The following COX11 variants were observed in gnomAD, a reference collection of about 807,000 sequenced individuals.
COX11 encodes the protein cytochrome c oxidase assembly protein COX11, mitochondrial.
A neutral mutation model predicts 29.4 loss-of-function variants in COX11; 18 were observed. The ratio of observed to expected loss-of-function variants is 0.61; its 90% CI spans 0.42 to 0.91. The LOEUF is 0.91. Ranked by LOEUF, COX11 falls within the 40% of genes least tolerant of loss-of-function variation. The pLI, the probability that COX11 is intolerant of heterozygous loss-of-function variation, is 0.00. For missense variants in COX11, 312 were observed against 346.0 expected (o/e 0.90, Z 0.78); for synonymous variants, 131 against 124.0 (o/e 1.06, Z -0.38).
rs781425580 is a variant in COX11, at chr17:54,960,650, C to G, written c.*2083G>C. 6.5e-7 allele frequency: 1 copy of G among 1,542,830 alleles called. No individual in the cohort carries two copies. The highest frequency in any genetic ancestry group is 2.2e-5 in the East Asian group (1 of 44,456). Reference sequence around the variant, plus strand: ...GAGGTAAAGACTTCAACTTATACAACTTAATTCCATATTCCATATAATTTC... The same window carrying G: ...GAGGTAAAGACTTCAACTTATACAAGTTAATTCCATATTCCATATAATTTC... On this transcript the variant is annotated 3_prime_UTR_variant, in exon 4 of 4. Transcript: ENST00000299335.
At chr17:54,966,442 G>T (rs2077217169) in intron 1 of COX11, among the ~76,000 whole-genome samples, 1 of 152,282 alleles carries the variant, frequency 6.6e-6, no homozygotes, top group African/African-American at 2.4e-5. Flanking sequence ...TTGGGGCAGG[G>T]TTTCTCAATC....
In COX11 at chr17:54,961,486, A is replaced by G. The variant is rs1328587908; in HGVS notation, c.*1247T>C. Reference sequence around the variant, plus strand: ...TTAAAACTTCAGCAGAAGAAAAATTACTTAGTCCTTAGGCCAACCAATTTA... The same window carrying G: ...TTAAAACTTCAGCAGAAGAAAAATTGCTTAGTCCTTAGGCCAACCAATTTA... On this transcript the variant is annotated 3_prime_UTR_variant, in exon 4 of 4. Transcript: ENST00000299335. 2 of 1,439,902 alleles carry G rather than the reference A, an allele frequency of 1.4e-6. No individual in the cohort carries two copies. Among genetic ancestry groups the G allele is most frequent in the Non-Finnish European group, 1.8e-6 (2 of 1,101,314 alleles). The allele number at this position is 1,439,902 out of a possible 1,614,324, so 89.2% of individuals were successfully genotyped here. A position where few individuals can be genotyped will look rare whatever the true frequency, so the allele number is the denominator to read the frequency against.
chr17:54,951,992 A>AC (rs1209611887), exon 1 of COX11: 1 of 152,186 alleles, frequency 6.6e-6, no homozygotes, highest in Non-Finnish European at 1.5e-5. Flanking sequence ...CTTCATGTTG[A>AC]CCAGGGACAC....
rs1412057702 is a variant in COX11, at chr17:54,964,696, C to T, written c.522+1G>A. On this transcript the variant is annotated splice_donor_variant, in intron 2 of 3. Coordinates refer to ENST00000299335, the MANE Select transcript of COX11 (RefSeq NM_004375.5). LOFTEE classifies it high-confidence loss of function. ...CTTTTAATGACTGGTTAGTCACTTA[C>T]ATATATTTCTGTTTGCTGAGGTCTA... 3 of 1,613,244 alleles carry T rather than the reference C, an allele frequency of 1.9e-6. No individual in the cohort carries two copies. Among genetic ancestry groups the T allele is most frequent in the Non-Finnish European group, 2.5e-6 (3 of 1,179,384 alleles).
intron 1 of COX11, 90 bp downstream of exon 1, chr17:54,968,191 C>A (rs530710279): frequency 4.6e-6 from 7 of 1,529,680 alleles, no homozygotes; most frequent in Non-Finnish European, 6.1e-6. Flanking sequence ...CTTCCACCTA[C>A]GACCCGCAGA....
At chr17:54,968,684 G>A (rs532122781), upstream of COX11, 5 of 1,584,444 alleles carry the variant, frequency 3.2e-6, no homozygotes, top group Admixed American at 1.8e-5. Flanking sequence ...TCTCAGGGAC[G>A]AGAGGTCAAA....
intron 1 of COX11, among the ~76,000 whole-genome samples, chr17:54,967,977 C>A (rs970676319): frequency 2.8e-5 from 4 of 142,346 alleles, no homozygotes; most frequent in Non-Finnish European, 6.0e-5. Flanking sequence ...TGCTAGATAC[C>A]CGGTTAGAGG....
chr17:54,963,207 C>T (rs575422925), intron 3 of COX11, 99 bp downstream of exon 3: 6 of 1,329,108 alleles, frequency 4.5e-6, no homozygotes, highest in South Asian at 2.8e-5. Context: ...AGAAGAAATT[C>T]GTTTTCAGAA....
chr17:54,966,962 G>C (rs1044818148), intron 1 of COX11, among the ~76,000 whole-genome samples: 1 of 152,092 alleles, frequency 6.6e-6, no homozygotes, highest in African/African-American at 2.4e-5. Flanking sequence ...GGTCACTTGA[G>C]CCCAGGAGTT....
chr17:54,961,280 C>A lies in COX11; in HGVS notation c.*1453G>T, dbSNP rs1440319786. ...CACTACCACATCAAAGGTGCCAACT[C>A]TCTAAAACGTAGACTCTGTGCAGCT... On this transcript the variant is annotated 3_prime_UTR_variant, in exon 4 of 4. Transcript: ENST00000299335. 9.0e-6 allele frequency: 14 copies of A among 1,551,406 alleles called. No individual in the cohort carries two copies. The highest frequency in any genetic ancestry group is 1.2e-5 in the Non-Finnish European group (14 of 1,146,894).
chr17:54,961,657 C>T lies in COX11; in HGVS notation c.*1076G>A. The stretch of plus-strand genomic sequence containing the variant: ...CTGAATGTATTATTCAGGAAGAATA[C>T]TGAGTGCCTTCATTTAACTAAAGTT... On this transcript the variant is annotated 3_prime_UTR_variant, in exon 4 of 4. Transcript: ENST00000299335. 1 of 1,073,948 alleles carries T rather than the reference C, an allele frequency of 9.3e-7. No individual in the cohort carries two copies. The highest frequency in any genetic ancestry group is 1.1e-6 in the Non-Finnish European group (1 of 886,208). 66.5% of individuals were successfully genotyped at this position (1,073,948 alleles called of 1,614,324 possible).
At chr17:54,960,414 A>AT, downstream of COX11, 1 of 605,368 alleles carries the variant, frequency 1.7e-6, no homozygotes, top group South Asian at 2.2e-5. Flanking sequence ...ATAAACTAGA[A>AT]TACACACTTC....
At chr17:54,955,328 A>G (rs2049443788), upstream of COX11, among the ~76,000 whole-genome samples, 1 of 152,148 alleles carries the variant, frequency 6.6e-6, no homozygotes, top group Non-Finnish European at 1.5e-5. Flanking sequence ...AGGTAGGTAA[A>G]TCAATCAAGT....
In COX11 at chr17:54,961,421, C is replaced by T. The variant is rs2077122046; in HGVS notation, c.*1312G>A. On this transcript the variant is annotated 3_prime_UTR_variant, in exon 4 of 4. Coordinates refer to ENST00000299335, the MANE Select transcript of COX11 (RefSeq NM_004375.5). ...GGATAACACTGATTCCTGACAACAG[C>T]GTGAGATTTCAACAGAACTTGTTTG... is the stretch of plus-strand genomic sequence containing the variant. 22 of 1,521,010 alleles carry T rather than the reference C, an allele frequency of 1.4e-5. 1 individual carries two copies. Among genetic ancestry groups the T allele is most frequent in the Admixed American group, 4.4e-5 (2 of 45,246 alleles). The allele number at this position is 1,521,010 out of a possible 1,614,324, so 94.2% of individuals were successfully genotyped here.
chr17:54,960,993 G>C lies in COX11; in HGVS notation c.*1740C>G. ...CCATTTACCGTTAGTCCTCCAAATAGGTCTGAATTTTTCCTATTTTCAGCA... is the reference window on the plus strand; with the variant it reads ...CCATTTACCGTTAGTCCTCCAAATACGTCTGAATTTTTCCTATTTTCAGCA... On this transcript the variant is annotated 3_prime_UTR_variant, in exon 4 of 4. Transcript: ENST00000299335. 1 of 556,296 alleles carries C rather than the reference G, an allele frequency of 1.8e-6. No individual in the cohort carries two copies. The highest frequency in any genetic ancestry group is 2.3e-5 in the South Asian group (1 of 44,214). 34.5% of individuals were successfully genotyped at this position (556,296 alleles called of 1,614,324 possible).
Position 54,968,269 on chromosome 17 carries a change from G to C in COX11, c.366+12C>G. On this transcript the variant is annotated intron_variant, in intron 1 of 3. Transcript: ENST00000299335. ...GCGTCTGCGCCACCCTGCGGGCGGC[G>C]CCGGCCCCTACCTGGCAATAGAGCC... The C allele has an allele frequency of 6.2e-7, 1 of 1,605,432 alleles. No homozygotes were observed. Among genetic ancestry groups the C allele is most frequent in the East Asian group, 2.2e-5 (1 of 44,728 alleles).
chr17:54,968,599 G>C lies in COX11; in HGVS notation c.48C>G (p.Gly16=), dbSNP rs765275398. ...GAGACCCAGGGTGGATCCAGCGCCA[G>C]CCACAGAAAGGAACGCACCTCCATC... ...RPGWRCVPFC[G]WRWIHPGSPT... The change falls in exon 1 of 4, where the codon GGC becomes GGG. Residue 16 remains glycine, a synonymous_variant. Transcript: ENST00000299335. 2.1e-5 allele frequency: 34 copies of C among 1,612,846 alleles called. No homozygotes were observed. Among genetic ancestry groups the C allele is most frequent in the Non-Finnish European group, 2.7e-5 (32 of 1,179,998 alleles).
At chr17:54,952,995 T>C (rs866087466) in exon 1 of COX11, 2 of 152,254 alleles carry the variant, frequency 1.3e-5, no homozygotes, top group Non-Finnish European at 2.9e-5. Context: ...TTATTTCCTT[T>C]ATGAGACACA....
chr17:54,959,577 T>C (rs893255599), downstream of COX11: 1 of 151,780 alleles, frequency 6.6e-6, no homozygotes, highest in African/African-American at 2.4e-5. Context: ...CTGAGGAGTC[T>C]GGACTGTAAT....
Sources: gnomAD v4.1 joint callset for allele counts (sites outside exome capture counted in the v4.1 genomes callset) on GRCh38, gnomAD v4.1.1 for gene constraint, MANE v1.5 for transcripts, NCBI Gene and HGNC (gene_info 2026-07-23, HGNC 2026-07-21) for gene names.